FAM228A: variants seen among roughly 807,000 people sequenced by gnomAD.
FAM228A encodes the protein family with sequence similarity 228 member A, also known as protein FAM228A.
In FAM228A, 13 loss-of-function variants were observed where a neutral mutation model predicts 18.6. The ratio of observed to expected loss-of-function variants is 0.70; its 90% CI spans 0.45 to 1.11. The LOEUF (loss-of-function observed/expected upper bound fraction) is 1.11, where lower values mean the gene tolerates loss of function less well. FAM228A is among the 50% of genes least tolerant of loss of function. FAM228A has a pLI of 0.00. For missense variants in FAM228A, 240 were observed against 242.2 expected (o/e 0.99, Z 0.06); for synonymous variants, 77 against 86.6 (o/e 0.89, Z 0.61).
chr2:24,175,508 G>T lies in FAM228A; in HGVS notation c.28G>T (p.Asp10Tyr). MAATKTASY[D>Y]EHFRPEKLRE... ...GGCTGCCACCAAAACTGCGAGTTAT[G>T]ATGAACATTTCAGGCCAGAAAAGTT... The change falls in exon 2 of 6, where the codon GAT (aspartate) becomes TAT (tyrosine). Residue 10 changes from aspartate to tyrosine, a missense_variant. By Grantham distance (160) the Asp-to-Tyr change is radical. Transcript: ENST00000295150. 6.2e-7 allele frequency: 1 copy of T among 1,614,208 alleles called. No individual in the cohort carries two copies. The highest frequency in any genetic ancestry group is 1.1e-5 in the South Asian group (1 of 91,088).
At chr2:24,180,291 C>CAAA (rs11393744) in intron 3 of FAM228A, among the ~76,000 whole-genome samples, 14 of 132,832 alleles carry the variant, frequency 1.1e-4, no homozygotes, top group African/African-American at 3.4e-4. Flanking sequence ...CCCGTCTGTA[C>CAAA]AAAAAAAAAA....
At position 24,190,700 on chromosome 2, in the gene FAM228A, G is replaced by T; in HGVS notation, c.*69G>T. 6.8e-7 allele frequency: 1 copy of T among 1,466,628 alleles called. No homozygotes were observed. The highest frequency in any genetic ancestry group is 2.4e-5 in the East Asian group (1 of 41,672). The allele number at this position is 1,466,628 out of a possible 1,614,324, so 90.9% of individuals were successfully genotyped here. A position where few individuals can be genotyped will look rare whatever the true frequency, so the allele number is the denominator to read the frequency against. ...GAGGAGGCATGGCCCAAGAAGAAGG[G>T]TGTGAAGAGGAGGAGGGAGAAATGG... On this transcript the variant is annotated 3_prime_UTR_variant, in exon 6 of 6. Coordinates refer to ENST00000295150, the MANE Select transcript of FAM228A (RefSeq NM_001040710.3).
rs532563750 is a variant in FAM228A, at chr2:24,183,071, C to CGAGGTTGGGGTGCT, written c.163-200_163-187dup. Reference sequence around the variant, plus strand: ...TTTGTTACACGGGTATATTGGGGTACGAGGTTGGGGTGCTGAGGTTGGGGT... The same window carrying CGAGGTTGGGGTGCT: ...TTTGTTACACGGGTATATTGGGGTACGAGGTTGGGGTGCTGAGGTTGGGGTGCTGAGGTTGGGGT... On this transcript the variant is annotated intron_variant, in intron 3 of 5. Coordinates refer to ENST00000295150, the MANE Select transcript of FAM228A (RefSeq NM_001040710.3). Among the ~76,000 whole-genome samples the CGAGGTTGGGGTGCT allele has an allele frequency of 2.4e-4, 36 of 152,034 alleles. No homozygotes were observed. In the East Asian group the frequency reaches 6.9e-3, roughly 29 times the overall value.
At position 24,190,631 on chromosome 2, in the gene FAM228A, A is replaced by T; in HGVS notation, c.621A>T (p.Ter207CysextTer42). Reference protein sequence around the residue: ...THEQHILVPE* With the variant: ...THEQHILVPEC ...AGCAGCACATACTGGTTCCAGAATG[A>T]GCCACCGCCACAGCCCTCCCTGTCA... Residue 207 changes from the stop codon to cysteine (C), a stop_lost, in exon 6 of 6, where the codon TGA becomes TGT. Transcript: ENST00000295150. 6.5e-7 allele frequency: 1 copy of T among 1,534,528 alleles called. No homozygotes were observed. The highest frequency in any genetic ancestry group is 8.8e-7 in the Non-Finnish European group (1 of 1,142,430).
intron 3 of FAM228A, among the ~76,000 whole-genome samples, chr2:24,182,637 G>A (rs1246115940): frequency 6.6e-6 from 1 of 152,020 alleles, no homozygotes; most frequent in African/African-American, 2.4e-5. Context: ...TAGGAGGCAT[G>A]CGTCCTCCCA....
chr2:24,190,825 C>T lies in FAM228A; in HGVS notation c.*194C>T. Reference sequence around the variant, plus strand: ...ACAAGTGGTAAATGTGGGACCTGGACCCCACTTTCCGGAGACATCCTGTCC... The same window carrying T: ...ACAAGTGGTAAATGTGGGACCTGGATCCCACTTTCCGGAGACATCCTGTCC... On this transcript the variant is annotated 3_prime_UTR_variant, in exon 6 of 6. Coordinates refer to ENST00000295150, the MANE Select transcript of FAM228A (RefSeq NM_001040710.3). The T allele has an allele frequency of 7.9e-7, 1 of 1,273,148 alleles. No homozygotes were observed. Among genetic ancestry groups the T allele is most frequent in the Non-Finnish European group, 9.9e-7 (1 of 1,006,928 alleles). 78.9% of individuals were successfully genotyped at this position (1,273,148 alleles called of 1,614,324 possible).
intron 3 of FAM228A, among the ~76,000 whole-genome samples, chr2:24,179,541 C>T (rs1239114937): frequency 1.3e-5 from 2 of 152,152 alleles, no homozygotes; most frequent in Non-Finnish European, 2.9e-5. Flanking sequence ...ACCATAAGGG[C>T]ATTTACTTCA....
chr2:24,190,340 C>G (rs1001469808), intron 5 of FAM228A, 72 bp from the exon 6 acceptor site: 1 of 1,467,204 alleles, frequency 6.8e-7, no homozygotes, highest in South Asian at 1.5e-5. Context: ...TTGCATTAAT[C>G]TTCGGAAACT....
intron 3 of FAM228A, among the ~76,000 whole-genome samples, chr2:24,178,614 T>A (rs1291610011): frequency 3.9e-5 from 6 of 152,144 alleles, no homozygotes; most frequent in Non-Finnish European, 8.8e-5. Flanking sequence ...TGAATTGTGA[T>A]TTACAATGTG....
chr2:24,190,623 C>A lies in FAM228A; in HGVS notation c.613C>A (p.Pro205Thr), dbSNP rs769328596. 1 of 1,540,774 alleles carries A rather than the reference C, an allele frequency of 6.5e-7. No homozygotes were observed. The highest frequency in any genetic ancestry group is 2.3e-5 in the East Asian group (1 of 44,060). ...CACCCACGAGCAGCACATACTGGTTCCAGAATGAGCCACCGCCACAGCCCT... is the reference window on the plus strand; with the variant it reads ...CACCCACGAGCAGCACATACTGGTTACAGAATGAGCCACCGCCACAGCCCT... ...CSTHEQHILVPE is the reference protein window; with the variant it reads ...CSTHEQHILVTE Residue 205 changes from proline to threonine, a missense_variant, in exon 6 of 6, where the codon CCA becomes ACA. By Grantham distance (38) the Pro-to-Thr change is conservative. Transcript: ENST00000295150.
intron 2 of FAM228A, chr2:24,175,987 G>T (rs541737807): frequency 1.7e-4 from 174 of 1,012,970 alleles, no homozygotes; most frequent in Non-Finnish European, 2.0e-4. Context: ...CCCTAGTGGC[G>T]GTCGGAGCAG....
chr2:24,184,396 A>G (rs571225625), intron 5 of FAM228A, among the ~76,000 whole-genome samples: 17 of 151,322 alleles, frequency 1.1e-4, no homozygotes, highest in African/African-American at 2.9e-4. Context: ...AAAAAAAAAG[A>G]TACAGCTTAC....
chr2:24,187,350 G>A (rs1026021948), intron 5 of FAM228A, among the ~76,000 whole-genome samples: 3 of 152,126 alleles, frequency 2.0e-5, no homozygotes, highest in South Asian at 2.1e-4. Context: ...GAGAGTTCTC[G>A]TACACCTCCT....
rs758178177 is a variant in FAM228A at position 24,191,689 on chromosome 2, A to G, written c.*1058A>G. The G allele has an allele frequency of 1.8e-5, 3 of 164,676 alleles. No homozygotes were observed. The highest frequency in any genetic ancestry group is 6.5e-5 in the Admixed American group (1 of 15,300). The allele number at this position is 164,676 out of a possible 1,614,324, so 10.2% of individuals were successfully genotyped here. A position where few individuals can be genotyped will look rare whatever the true frequency, so the allele number is the denominator to read the frequency against. On this transcript the variant is annotated 3_prime_UTR_variant, in exon 6 of 6. Transcript: ENST00000295150. ...GAGCAAACTGCAAATATATGTTATT[A>G]GTAACTGTAGTATCTGTGTTGTCCA...
At position 24,183,257 on chromosome 2, in the gene FAM228A, T is replaced by C. The variant is rs769696695; in HGVS notation, c.163-28T>C. On this transcript the variant is annotated intron_variant, in intron 3 of 5. Coordinates refer to ENST00000295150, the MANE Select transcript of FAM228A (RefSeq NM_001040710.3). ...AAGCTTAATACAGACTGCACTCTGG[T>C]ACTCAAAGAGTCTCATTTCTCTTGT... 6.0e-6 allele frequency: 9 copies of C among 1,490,334 alleles called. No individual in the cohort carries two copies. In the Admixed American group the frequency reaches 1.5e-4, roughly 25 times the overall value. 92.3% of individuals were successfully genotyped at this position (1,490,334 alleles called of 1,614,324 possible).
chr2:24,178,595 T>G (rs1355099342), intron 3 of FAM228A, among the ~76,000 whole-genome samples: 4 of 152,082 alleles, frequency 2.6e-5, no homozygotes, highest in African/African-American at 9.7e-5. Flanking sequence ...AGAATAAAAC[T>G]TTGACATTTG....
intron 4 of FAM228A, 46 bp downstream of exon 4, chr2:24,183,418 T>A: frequency 1.2e-6 from 2 of 1,607,114 alleles, no homozygotes; most frequent in Non-Finnish European, 1.7e-6. Context: ...CTGCTAATTG[T>A]CCAGTGATTT....
Position 24,177,826 on chromosome 2 carries a change from G to A in FAM228A, c.118G>A (p.Glu40Lys). ...MEVLAREDID[E>K]AVCAILFKEN... ...GGTATTAGCTAGAGAAGACATTGAT[G>A]AAGCAGTATGTGCAATATTATTTAA... The change falls in exon 3 of 6, where the codon GAA becomes AAA. Residue 40 changes from glutamate to lysine, a missense_variant. Glu to Lys is a moderately conservative substitution (Grantham distance 56). Coordinates refer to ENST00000295150, the MANE Select transcript of FAM228A (RefSeq NM_001040710.3). 2 of 1,599,560 alleles carry A rather than the reference G, an allele frequency of 1.3e-6. No individual in the cohort carries two copies. Among genetic ancestry groups the A allele is most frequent in the Non-Finnish European group, 1.7e-6 (2 of 1,168,660 alleles).
At chr2:24,183,238 A>G in intron 3 of FAM228A, 47 bp from the exon 4 acceptor site, 2 of 1,320,126 alleles carry the variant, frequency 1.5e-6, no homozygotes, top group Non-Finnish European at 2.2e-6. Context: ...TTAAAAGCTT[A>G]ATACAGACTG....
Sources: allele counts gnomAD v4.1 joint callset (sites outside exome capture counted in the v4.1 genomes callset), GRCh38; gene constraint gnomAD v4.1.1; transcripts MANE v1.5; gene names NCBI Gene and HGNC (gene_info 2026-07-23, HGNC 2026-07-21).